CNTNAP4: variants seen among roughly 807,000 people sequenced by gnomAD.
The protein encoded by CNTNAP4 is contactin associated protein family member 4.
CNTNAP4 carries 98 observed loss-of-function variants against 148.4 expected under a neutral mutation model. The ratio of observed to expected loss-of-function variants is 0.66; its 90% CI spans 0.56 to 0.78. CNTNAP4 has a LOEUF of 0.78. Ranked by LOEUF, CNTNAP4 falls within the 30% of genes least tolerant of loss-of-function variation. The probability of loss-of-function intolerance (pLI) is 0.00; values close to 1 mark genes in which losing one functional copy is unlikely to be tolerated. For missense variants in CNTNAP4, 1,935 were observed against 1,565.6 expected (o/e 1.24, Z -3.98); for synonymous variants, 730 against 565.1 (o/e 1.29, Z -4.14).
intron 3 of CNTNAP4, among the ~76,000 whole-genome samples, chr16:76,390,115 C>T (rs1418742308): frequency 2.0e-5 from 3 of 152,172 alleles, no homozygotes; most frequent in African/African-American, 7.2e-5. Flanking sequence ...ATTTATCCAT[C>T]ATCTCCAGGC....
rs532604034 is a variant in CNTNAP4 at position 76,375,220 on chromosome 16, G to A, written c.390+19709G>A. On this transcript the variant is annotated intron_variant, in intron 3 of 23. Transcript: ENST00000611870. Reference sequence around the variant, plus strand: ...GTGGATAACTTGACGTCAGAAGTTCGAGACCAGCCTGGTTAACATGGTAAA... The same window carrying A: ...GTGGATAACTTGACGTCAGAAGTTCAAGACCAGCCTGGTTAACATGGTAAA... Among the ~76,000 whole-genome samples, 7 of 152,060 alleles carry A rather than the reference G, an allele frequency of 4.6e-5. No individual in the cohort carries two copies. In the South Asian group the frequency reaches 8.3e-4, roughly 18 times the overall value.
chr16:76,492,257 C>G (rs192807379), intron 13 of CNTNAP4, among the ~76,000 whole-genome samples: 33 of 148,804 alleles, frequency 2.2e-4, no homozygotes, highest in African/African-American at 8.1e-4. Context: ...TTTTGGTATT[C>G]TCACCATAAA....
intron 12 of CNTNAP4, among the ~76,000 whole-genome samples, chr16:76,480,976 G>C (rs1037992768): frequency 2.0e-5 from 3 of 152,244 alleles, no homozygotes; most frequent in African/African-American, 4.8e-5. Context: ...GAAGGATTCA[G>C]CTCTACTGGA....
intron 1 of CNTNAP4, among the ~76,000 whole-genome samples, chr16:76,312,507 C>T (rs1961235896): frequency 6.6e-6 from 1 of 152,066 alleles, no homozygotes; most frequent in South Asian, 2.1e-4. Context: ...ATGTTTACTC[C>T]ACACTGATTA....
intron 17 of CNTNAP4, among the ~76,000 whole-genome samples, chr16:76,526,212 G>C (rs1182664772): frequency 6.6e-6 from 1 of 152,080 alleles, no homozygotes; most frequent in Non-Finnish European, 1.5e-5. Context: ...ACATCTGAAG[G>C]AAGAGAATTC....
chr16:76,405,683 G>C (rs1179705634), intron 3 of CNTNAP4, among the ~76,000 whole-genome samples: 1 of 152,092 alleles, frequency 6.6e-6, no homozygotes, highest in Non-Finnish European at 1.5e-5. Context: ...GAGAGGAGGG[G>C]TTGGTCTTGC....
At position 76,518,128 on chromosome 16, in the gene CNTNAP4, A is replaced by AT. The variant is rs567989250; in HGVS notation, c.2366-3009dup. Among the ~76,000 whole-genome samples, 413 of 151,986 alleles carry AT rather than the reference A, an allele frequency of 2.7e-3. 1 individual carries two copies. The highest frequency in any genetic ancestry group is 9.8e-3 in the African/African-American group (407 of 41,486). On this transcript the variant is annotated intron_variant, in intron 15 of 23. Transcript: ENST00000611870. ...AGGGTTTCTAGAAAATTATTATTTT[A>AT]TTTATTTATTATTTTTTGATGCAGA...
At chr16:76,395,454 A>G (rs975707420) in intron 3 of CNTNAP4, among the ~76,000 whole-genome samples, 1 of 151,756 alleles carries the variant, frequency 6.6e-6, no homozygotes, top group Non-Finnish European at 1.5e-5. Flanking sequence ...TTTAGTAGAG[A>G]TGGGGTTTCA....
chr16:76,363,913 C>T (rs916005224), intron 3 of CNTNAP4, among the ~76,000 whole-genome samples: 2 of 152,028 alleles, frequency 1.3e-5, no homozygotes, highest in Non-Finnish European at 2.9e-5. Context: ...TCATAAACTT[C>T]TGTGAGGTGC....
intron 2 of CNTNAP4, among the ~76,000 whole-genome samples, chr16:76,317,821 CTTAAGT>C (rs376045862): frequency 1.2e-3 from 189 of 152,100 alleles, no homozygotes; most frequent in African/African-American, 4.4e-3. Flanking sequence ...TGATTTTAAG[CTTAAGT>C]TTATTTTAAA....
intron 3 of CNTNAP4, among the ~76,000 whole-genome samples, chr16:76,406,970 A>G (rs895895021): frequency 2.6e-5 from 4 of 152,176 alleles, no homozygotes; most frequent in African/African-American, 9.7e-5. Context: ...GATTTTCAGC[A>G]TAGATGAAAC....
At chr16:76,334,118 A>G (rs1374193088) in intron 2 of CNTNAP4, among the ~76,000 whole-genome samples, 1 of 151,906 alleles carries the variant, frequency 6.6e-6, no homozygotes, top group Non-Finnish European at 1.5e-5. Context: ...CCAACATGGC[A>G]CATGTATACA....
chr16:76,483,060 A>C (rs1233606791), intron 12 of CNTNAP4, among the ~76,000 whole-genome samples: 2 of 146,838 alleles, frequency 1.4e-5, no homozygotes, highest in Non-Finnish European at 3.0e-5. Context: ...CAGCTTGGAT[A>C]GGTTGGATTG....
At chr16:76,380,895 A>G (rs962819026) in intron 3 of CNTNAP4, among the ~76,000 whole-genome samples, 5 of 152,220 alleles carry the variant, frequency 3.3e-5, no homozygotes, top group African/African-American at 9.6e-5. Context: ...AGAAAAAATT[A>G]TGACCTATCA....
At chr16:76,515,384 G>A (rs1053096343) in intron 15 of CNTNAP4, among the ~76,000 whole-genome samples, 3 of 152,126 alleles carry the variant, frequency 2.0e-5, no homozygotes, top group East Asian at 1.9e-4. Context: ...TAAGGGTGGT[G>A]CCCTAATTCA....
At chr16:76,430,036 T>C (rs9926092) in intron 4 of CNTNAP4, among the ~76,000 whole-genome samples, 28,476 of 152,014 alleles carry the variant, frequency 0.19, 3,142 homozygotes, top group East Asian at 0.37. Flanking sequence ...AACCAAAGAA[T>C]GGGTTGGGCA....
At chr16:76,323,376 A>C (rs1243940580) in intron 2 of CNTNAP4, among the ~76,000 whole-genome samples, 4 of 152,148 alleles carry the variant, frequency 2.6e-5, no homozygotes, top group African/African-American at 9.7e-5. Context: ...CATTTTGATA[A>C]AGGTTGGAAA....
Position 76,558,611 on chromosome 16 carries a change from T to C in CNTNAP4, c.3855T>C (p.Ala1285=), listed in dbSNP as rs2085292446. ...AAAGGTCAGAGAATGTAGACAGTGC[T>C]GAGGCTGTTCTGAAAAGTGAGCTTA... is the stretch of plus-strand genomic sequence containing the variant. ...EAKRSENVDS[A]EAVLKSELNI... The change falls in exon 24 of 24, where the codon GCT becomes GCC. Residue 1285 remains alanine, a synonymous_variant. Coordinates refer to ENST00000611870, the MANE Select transcript of CNTNAP4 (RefSeq NM_033401.5). 1.9e-6 allele frequency: 3 copies of C among 1,613,360 alleles called. No individual in the cohort carries two copies. Among genetic ancestry groups the C allele is most frequent in the Non-Finnish European group, 2.5e-6 (3 of 1,179,520 alleles).
rs1320712860 is a variant in CNTNAP4, at chr16:76,508,792, G to A, written c.2365+10098G>A. 1.5e-4 allele frequency among the ~76,000 whole-genome samples: 12 copies of A among 78,670 alleles called. 4 individuals carry two copies. Among genetic ancestry groups the A allele is most frequent in the South Asian group, 1.1e-3 (2 of 1,764 alleles). The allele number at this position is 78,670 out of a possible 152,430, so 51.6% of individuals were successfully genotyped here. On this transcript the variant is annotated intron_variant, in intron 15 of 23. Coordinates refer to ENST00000611870, the MANE Select transcript of CNTNAP4 (RefSeq NM_033401.5). ...TTTTGAGATGGAGTCTCACTGTGTC[G>A]CCCAGGCTGGAGTGCAGTGGCACGA... is the stretch of plus-strand genomic sequence containing the variant.
Sources: allele counts gnomAD v4.1 joint callset (sites outside exome capture counted in the v4.1 genomes callset), GRCh38; gene constraint gnomAD v4.1.1; transcripts MANE v1.5; gene names NCBI Gene and HGNC (gene_info 2026-07-23, HGNC 2026-07-21).